The following CDC20B variants were observed in gnomAD, a reference collection of about 807,000 sequenced individuals.
CDC20B encodes the protein cell division cycle protein 20 homolog B.
Under a neutral mutation model 64.1 loss-of-function variants are expected in CDC20B, and 58 were observed. The observed-to-expected ratio is 0.90, with a 90% confidence interval of 0.73 to 1.13. The LOEUF (loss-of-function observed/expected upper bound fraction) is 1.13. CDC20B is among the 50% of genes most tolerant of loss of function. The pLI is 0.00. For synonymous variants in CDC20B, 243 were observed against 230.6 expected (o/e 1.05, Z -0.49); for missense variants, 597 against 633.0 (o/e 0.94, Z 0.61).
intron 11 of CDC20B, among the ~76,000 whole-genome samples, chr5:55,118,245 T>A (rs1362208353): frequency 1.3e-5 from 2 of 152,248 alleles, no homozygotes; most frequent in African/African-American, 4.8e-5. Context: ...ATGTTTTGTA[T>A]AACTGCTAAA....
intron 3 of CDC20B, among the ~76,000 whole-genome samples, chr5:55,146,167 T>G (rs139671231): frequency 6.6e-6 from 1 of 152,158 alleles, no homozygotes. Flanking sequence ...GTAAACTAAC[T>G]GAAAGCCTAA....
At chr5:55,141,437 G>A (rs1441326404) in intron 4 of CDC20B, among the ~76,000 whole-genome samples, 1 of 152,228 alleles carries the variant, frequency 6.6e-6, no homozygotes, top group African/African-American at 2.4e-5. Context: ...ACGGACAATA[G>A]TGGCTTAGAG....
chr5:55,127,640 TACC>T (rs111323130), intron 7 of CDC20B, among the ~76,000 whole-genome samples: 1 of 152,212 alleles, frequency 6.6e-6, no homozygotes, highest in African/African-American at 2.4e-5. Context: ...TGAGAATTAT[TACC>T]ACATTTCTAG....
chr5:55,160,439 GTC>G (rs746436601), intron 2 of CDC20B: 4 of 1,513,972 alleles, frequency 2.6e-6, no homozygotes, highest in East Asian at 2.3e-5. Flanking sequence ...ATTTTTCCTT[GTC>G]TCTGTTTATT....
chr5:55,172,642 G>GA lies in CDC20B; in HGVS notation c.71dup (p.Met25HisfsTer24). The GA allele has an allele frequency of 6.2e-7, 1 of 1,610,292 alleles. No individual in the cohort carries two copies. The highest frequency in any genetic ancestry group is 1.1e-5 in the South Asian group (1 of 90,908). On this transcript the variant is annotated frameshift_variant, in exon 2 of 12. Transcript: ENST00000381375. LOFTEE classifies it high-confidence loss of function. ...TCAAGTCTTTGGAGAGCACACGCAT[G>GA]ATACTTTCCTTTGAAAACACAGATA... is the stretch of plus-strand genomic sequence containing the variant.
intron 2 of CDC20B, chr5:55,164,754 A>G (rs1304765271): frequency 6.6e-6 from 1 of 152,232 alleles, no homozygotes; most frequent in Non-Finnish European, 1.5e-5. Flanking sequence ...ATAGATTCAA[A>G]TCCTTATATA....
intron 3 of CDC20B, 120 bp from the exon 4 acceptor site, chr5:55,143,763 A>G (rs1309641972): frequency 1.1e-6 from 1 of 951,318 alleles, no homozygotes; most frequent in Non-Finnish European, 1.5e-6. Context: ...GGCTCTCGTC[A>G]CTCCAAAGTC....
rs370821763 is a variant in CDC20B, at chr5:55,146,672, C to G, written c.311G>C (p.Gly104Ala). Residue 104 changes from glycine (G) to alanine (A), a missense_variant, in exon 3 of 12, where the codon GGA (glycine) becomes GCA (alanine). By Grantham distance (60) the Gly-to-Ala change is moderately conservative (BLOSUM62 0). This residue lies in a region of CDC20B where 241 missense variants were observed against 219.2 expected (regional missense o/e 1.10). Transcript: ENST00000381375. ...QSTTYLPEAS[G>A]SVLKTPPEKE... ...CTCAGGCGGTGTCTTCAGCACTGAT[C>G]CGGAAGCTTCTGGGAGGTAGGTGGT... 46 of 1,613,968 alleles carry G rather than the reference C, an allele frequency of 2.9e-5. No individual in the cohort carries two copies. The highest frequency in any genetic ancestry group is 3.8e-5 in the Non-Finnish European group (45 of 1,180,022).
chr5:55,146,026 C>T (rs1206744807), intron 3 of CDC20B, among the ~76,000 whole-genome samples: 1 of 152,178 alleles, frequency 6.6e-6, no homozygotes, highest in African/African-American at 2.4e-5. Context: ...TATACATATA[C>T]ATTCATACAA....
chr5:55,142,144 C>T (rs1056275746), intron 4 of CDC20B, among the ~76,000 whole-genome samples: 1 of 152,154 alleles, frequency 6.6e-6, no homozygotes, highest in South Asian at 2.1e-4. Context: ...CGACTTACTA[C>T]TTTAATCAGC....
intron 2 of CDC20B, among the ~76,000 whole-genome samples, chr5:55,152,469 G>C (rs1743694073): frequency 6.6e-6 from 1 of 152,198 alleles, no homozygotes; most frequent in African/African-American, 2.4e-5. Flanking sequence ...TCTGAAATAG[G>C]TACTAGTATT....
chr5:55,137,302 C>T (rs987539612), intron 5 of CDC20B: 1 of 308,484 alleles, frequency 3.2e-6, no homozygotes, highest in Non-Finnish European at 6.4e-6. Context: ...CCTGATAACG[C>T]TCACAACACC....
chr5:55,129,306 A>G (rs1742971147), intron 6 of CDC20B, among the ~76,000 whole-genome samples: 1 of 152,186 alleles, frequency 6.6e-6, no homozygotes, highest in Non-Finnish European at 1.5e-5. Context: ...TATAAAAAAC[A>G]AACACCTGGA....
intron 11 of CDC20B, among the ~76,000 whole-genome samples, chr5:55,115,426 G>C (rs1353990757): frequency 6.6e-6 from 1 of 152,210 alleles, no homozygotes; most frequent in Non-Finnish European, 1.5e-5. Flanking sequence ...GTACTTCTCA[G>C]ATTTATCTGA....
chr5:55,150,160 A>T (rs377089008), intron 2 of CDC20B, among the ~76,000 whole-genome samples: 2 of 152,320 alleles, frequency 1.3e-5, no homozygotes, highest in African/African-American at 4.8e-5. Flanking sequence ...ATTAAAAAAT[A>T]AAGGTTTTTT....
chr5:55,120,564 C>A lies in CDC20B; in HGVS notation c.1216-14G>T. 6.2e-7 allele frequency: 1 copy of A among 1,612,090 alleles called. No homozygotes were observed. Among genetic ancestry groups the A allele is most frequent in the Non-Finnish European group, 8.5e-7 (1 of 1,178,772 alleles). Reference sequence around the variant, plus strand: ...CCAATCCATGGCCTTTAAAGTTTCACATAATAGCACAGACAGGTCAGCTTC... The same window carrying A: ...CCAATCCATGGCCTTTAAAGTTTCAAATAATAGCACAGACAGGTCAGCTTC... On this transcript the variant is annotated splice_polypyrimidine_tract_variant and intron_variant, in intron 9 of 11. Coordinates refer to ENST00000381375, the MANE Select transcript of CDC20B (RefSeq NM_001170402.1).
intron 5 of CDC20B, chr5:55,137,068 A>G (rs929174437): frequency 1.9e-5 from 3 of 154,092 alleles, no homozygotes; most frequent in African/African-American, 7.3e-5. Context: ...TGTGCCTGTA[A>G]TCCCAAGCTG....
In CDC20B at chr5:55,129,578, A is replaced by G. The variant is rs114021023; in HGVS notation, c.698-961T>C. 5.8e-3 allele frequency among the ~76,000 whole-genome samples: 887 copies of G among 152,354 alleles called. 12 individuals carry two copies. The highest frequency in any genetic ancestry group is 0.02 in the African/African-American group (849 of 41,582). ...TAGACATGGGAAAGCCAAAAGAAAG[A>G]GATCCTCTGAGTGTGAGTATATTAA... On this transcript the variant is annotated intron_variant, in intron 6 of 11. Coordinates refer to ENST00000381375, the MANE Select transcript of CDC20B (RefSeq NM_001170402.1).
chr5:55,138,308 G>A (rs1743240506), intron 5 of CDC20B, among the ~76,000 whole-genome samples: 2 of 152,076 alleles, frequency 1.3e-5, no homozygotes, highest in African/African-American at 4.8e-5. Context: ...TTACAGGCGT[G>A]AGCCACTATG....
Sources: allele counts gnomAD v4.1 joint callset (sites outside exome capture counted in the v4.1 genomes callset), GRCh38; gene constraint gnomAD v4.1.1; regional missense constraint gnomAD v4.1.1; transcripts MANE v1.5; gene names NCBI Gene and HGNC (gene_info 2026-07-23, HGNC 2026-07-21).